Variants in CACNB2 observed in about 807,000 individuals in gnomAD.
CACNB2 encodes voltage-dependent L-type calcium channel subunit beta-2.
A neutral mutation model predicts 73.3 loss-of-function variants in CACNB2; 42 were observed. That is an observed-to-expected ratio of 0.57 (90% CI 0.45 to 0.74). The LOEUF is 0.74. CACNB2 is among the 30% of genes least tolerant of loss of function. The pLI is 0.00. For missense variants in CACNB2, 940 were observed against 853.0 expected (o/e 1.10, Z -1.27); for synonymous variants, 348 against 310.3 (o/e 1.12, Z -1.28).
At chr10:18,199,447 C>A (rs1012658387) in intron 2 of CACNB2, among the ~76,000 whole-genome samples, 2 of 152,004 alleles carry the variant, frequency 1.3e-5, no homozygotes, top group Non-Finnish European at 2.9e-5. Context: ...TCTGAGTAAA[C>A]CTCCCCGAGA....
intron 2 of CACNB2, among the ~76,000 whole-genome samples, chr10:18,288,986 A>G (rs931614401): frequency 6.6e-6 from 1 of 152,170 alleles, no homozygotes; most frequent in African/African-American, 2.4e-5. Context: ...CAGAGATTAC[A>G]GTGAGCCAAG....
chr10:18,154,670 G>T (rs2031894321), intron 2 of CACNB2, among the ~76,000 whole-genome samples: 1 of 152,140 alleles, frequency 6.6e-6, no homozygotes, highest in South Asian at 2.1e-4. Context: ...GTTTCGCCAT[G>T]TTGGCCAGGC....
intron 2 of CACNB2, among the ~76,000 whole-genome samples, chr10:18,359,389 A>C (rs1263658852): frequency 1.3e-5 from 2 of 152,072 alleles, no homozygotes; most frequent in Non-Finnish European, 2.9e-5. Flanking sequence ...CTCCCACCTC[A>C]GCCTCCAGAG....
At chr10:18,363,984 G>A (rs11013851) in intron 2 of CACNB2, among the ~76,000 whole-genome samples, 16,602 of 136,086 alleles carry the variant, frequency 0.12, 1,034 homozygotes, top group Non-Finnish European at 0.14. Flanking sequence ...TGTTTTGCTC[G>A]TTGCCTAGGC....
intron 3 of CACNB2, among the ~76,000 whole-genome samples, chr10:18,422,474 C>T (rs1303227710): frequency 6.6e-6 from 1 of 152,086 alleles, no homozygotes; most frequent in African/African-American, 2.4e-5. Context: ...TTTTTCCTGC[C>T]CAAAGGTTTA....
intron 2 of CACNB2, chr10:18,401,244 C>A: frequency 9.8e-7 from 1 of 1,017,582 alleles, no homozygotes; most frequent in Non-Finnish European, 1.5e-6. Context: ...AGATTCCTCT[C>A]ATTTTTTGAG....
At chr10:18,385,661 A>T (rs1020135015) in intron 2 of CACNB2, among the ~76,000 whole-genome samples, 14 of 150,898 alleles carry the variant, frequency 9.3e-5, no homozygotes, top group Admixed American at 2.0e-4. Flanking sequence ...AAAAAAAAAA[A>T]TTTATTCAAA....
At chr10:18,162,333 A>C (rs2032526460) in intron 2 of CACNB2, among the ~76,000 whole-genome samples, 1 of 152,122 alleles carries the variant, frequency 6.6e-6, no homozygotes, top group African/African-American at 2.4e-5. Context: ...CAAGGAGAAA[A>C]CCCACATGGT....
At chr10:18,477,766 T>G (rs564552787) in intron 3 of CACNB2, among the ~76,000 whole-genome samples, 2 of 152,342 alleles carry the variant, frequency 1.3e-5, no homozygotes, top group African/African-American at 4.8e-5. Flanking sequence ...CCTCCGGCTT[T>G]CAGTAAATTG....
At chr10:18,176,237 AAC>A (rs2033583050) in intron 2 of CACNB2, among the ~76,000 whole-genome samples, 1 of 152,202 alleles carries the variant, frequency 6.6e-6, no homozygotes, top group South Asian at 2.1e-4. Context: ...GGGGGTCAGT[AAC>A]CCACCAATAT....
intron 2 of CACNB2, chr10:18,238,543 A>G (rs2036533478): frequency 6.6e-6 from 1 of 152,232 alleles, no homozygotes; most frequent in Non-Finnish European, 1.5e-5. Flanking sequence ...AAAAATCTCA[A>G]TCCAACATAA....
At chr10:18,221,056 G>A (rs1278234968) in intron 2 of CACNB2, among the ~76,000 whole-genome samples, 5 of 152,142 alleles carry the variant, frequency 3.3e-5, no homozygotes, top group Non-Finnish European at 7.4e-5. Flanking sequence ...CTGCCTGCCT[G>A]GCTCTTTTCT....
chr10:18,358,057 C>T (rs4748453), intron 2 of CACNB2, among the ~76,000 whole-genome samples: 35,074 of 151,990 alleles, frequency 0.23, 4,404 homozygotes, highest in Non-Finnish European at 0.26. Context: ...GAAAGGAATA[C>T]GCAGAAACAG....
chr10:18,434,808 A>G (rs535416973), intron 3 of CACNB2, among the ~76,000 whole-genome samples: 1 of 152,372 alleles, frequency 6.6e-6, no homozygotes, highest in East Asian at 1.9e-4. Context: ...TACAAGAATA[A>G]GGAAGCAGGC....
intron 2 of CACNB2, among the ~76,000 whole-genome samples, chr10:18,311,422 C>T (rs1006562649): frequency 2.6e-5 from 4 of 151,988 alleles, no homozygotes; most frequent in Non-Finnish European, 5.9e-5. Flanking sequence ...GGGGCGTTGA[C>T]CCATTGCACA....
chr10:18,416,584 T>C (rs950125553), intron 3 of CACNB2, among the ~76,000 whole-genome samples: 1 of 152,012 alleles, frequency 6.6e-6, no homozygotes, highest in Non-Finnish European at 1.5e-5. Flanking sequence ...GGCCAGCTAA[T>C]TTTTTTTAGT....
intron 2 of CACNB2, among the ~76,000 whole-genome samples, chr10:18,301,227 A>C (rs989582568): frequency 6.6e-6 from 1 of 152,186 alleles, no homozygotes; most frequent in South Asian, 2.1e-4. Flanking sequence ...AAGTCAAACC[A>C]GGGGAGTGAC....
intron 3 of CACNB2, among the ~76,000 whole-genome samples, chr10:18,495,984 G>C (rs1015622307): frequency 6.6e-6 from 1 of 151,550 alleles, no homozygotes; most frequent in Non-Finnish European, 1.5e-5. Context: ...GATGTCATTC[G>C]AGACCAGCCT....
rs1009215648 is a variant in CACNB2, at chr10:18,441,341, G to A, written c.333+39298G>A. Among the ~76,000 whole-genome samples, 24 of 152,152 alleles carry A rather than the reference G, an allele frequency of 1.6e-4. 1 individual carries two copies. The highest frequency in any genetic ancestry group is 1.6e-3 in the Admixed American group (24 of 15,270). ...AATTGCTTGAACCAGGGAGTCAGAG[G>A]TTACAGTGAGCTGATATCGCGTCAC... is the stretch of plus-strand genomic sequence containing the variant. On this transcript the variant is annotated intron_variant, in intron 3 of 13. Coordinates refer to ENST00000324631, the MANE Select transcript of CACNB2 (RefSeq NM_201596.3).
Sources: allele counts gnomAD v4.1 joint callset (sites outside exome capture counted in the v4.1 genomes callset), GRCh38; gene constraint gnomAD v4.1.1; transcripts MANE v1.5; gene names NCBI Gene and HGNC (gene_info 2026-07-23, HGNC 2026-07-21).